Variants in TRIO observed in about 807,000 individuals in gnomAD.
TRIO encodes trio Rho guanine nucleotide exchange factor, also known as triple functional domain protein.
TRIO carries 58 observed loss-of-function variants against 351.9 expected under a neutral mutation model. That is an observed-to-expected ratio of 0.16 (90% confidence interval 0.13 to 0.21). TRIO has a LOEUF of 0.21. Among genes scored for constraint, TRIO ranks in the 10% least tolerant of loss-of-function variants. The probability of loss-of-function intolerance (pLI) is 1.00; values close to 1 mark genes in which losing one functional copy is unlikely to be tolerated. For missense variants in TRIO, 3,201 were observed against 4,027.8 expected (o/e 0.79, Z 5.56); for synonymous variants, 1,758 against 1,595.7 (o/e 1.10, Z -2.42).
chr5:14,254,864 C>A (rs747953298), intron 1 of TRIO, among the ~76,000 whole-genome samples: 1 of 152,138 alleles, frequency 6.6e-6, no homozygotes. Context: ...GGCAGGTCTC[C>A]CCAGCAGTTC....
chr5:14,308,670 CAT>C (rs1738610760), intron 8 of TRIO, among the ~76,000 whole-genome samples: 2 of 117,094 alleles, frequency 1.7e-5, no homozygotes, highest in African/African-American at 5.4e-5. Context: ...TCCATCCATC[CAT>C]CCATCCATCC....
intron 24 of TRIO, 85 bp from the exon 25 acceptor site, chr5:14,389,204 C>T (rs964678675): frequency 1.0e-6 from 1 of 995,144 alleles, no homozygotes; most frequent in Admixed American, 2.9e-5. Context: ...TACATTAACT[C>T]TGTGTGTTTA....
intron 1 of TRIO, among the ~76,000 whole-genome samples, chr5:14,242,670 G>A (rs902858082): frequency 6.6e-6 from 1 of 152,156 alleles, no homozygotes; most frequent in Non-Finnish European, 1.5e-5. Flanking sequence ...CGCCTGCTGT[G>A]CTCAAGCAGT....
At chr5:14,404,660 CCCTGCCTCCTT>C (rs932110097) in intron 31 of TRIO, among the ~76,000 whole-genome samples, 5 of 152,150 alleles carry the variant, frequency 3.3e-5, no homozygotes, top group Non-Finnish European at 7.4e-5. Context: ...TCCCCGGTCA[CCCTGCCTCCTT>C]CCTGCCCCCT....
chr5:14,180,878 C>G (rs1789727238), intron 1 of TRIO, among the ~76,000 whole-genome samples: 1 of 151,660 alleles, frequency 6.6e-6, no homozygotes, highest in Non-Finnish European at 1.5e-5. Context: ...GGTAGGTAGG[C>G]AGTTTTAATT....
intron 40 of TRIO, among the ~76,000 whole-genome samples, chr5:14,475,901 A>C (rs962722471): frequency 6.6e-6 from 1 of 152,242 alleles, no homozygotes; most frequent in African/African-American, 2.4e-5. Flanking sequence ...GTAATACCAA[A>C]TATTAACATA....
chr5:14,502,746 A>G (rs1176311659), intron 54 of TRIO, 89 bp downstream of exon 54: 6 of 1,281,732 alleles, frequency 4.7e-6, no homozygotes, highest in Non-Finnish European at 6.7e-6. Flanking sequence ...AAGCAGTGTT[A>G]TCTTGCCAGC....
chr5:14,215,313 TGTA>T lies in TRIO; in HGVS notation c.158-55509_158-55507del. 2.0e-5 allele frequency among the ~76,000 whole-genome samples: 3 copies of T among 152,364 alleles called. No individual in the cohort carries two copies. The South Asian group carries it at 6.2e-4, about 32-fold the overall frequency. On this transcript the variant is annotated intron_variant, in intron 1 of 56. Transcript: ENST00000344204. ...TACATTTCTTTCACAAACGTTCTTT[TGTA>T]GTGACTTTGTTATTCGTGTCTGCCA...
chr5:14,376,127 G>C (rs555898357), intron 19 of TRIO, among the ~76,000 whole-genome samples: 3 of 152,266 alleles, frequency 2.0e-5, no homozygotes, highest in African/African-American at 7.2e-5. Flanking sequence ...TGTTAGGCTG[G>C]ATGTAAATGC....
At chr5:14,392,381 C>G (rs1432151552) in intron 27 of TRIO, among the ~76,000 whole-genome samples, 1 of 152,176 alleles carries the variant, frequency 6.6e-6, no homozygotes, top group East Asian at 1.9e-4. Context: ...CAATGAGATA[C>G]TATCTCACAC....
Position 14,482,781 on chromosome 5 carries a change from G to C in TRIO, c.6657+8G>C. 1 of 1,540,420 alleles carries C rather than the reference G, an allele frequency of 6.5e-7. No homozygotes were observed. ...TTTAAGAACAGTATCAAGGTAACGT[G>C]TGTCTCTGTGTGATTTCTCTGTGCC... On this transcript the variant is annotated splice_region_variant and intron_variant, in intron 46 of 56. Transcript: ENST00000344204.
At chr5:14,165,838 C>T (rs565417680) in intron 1 of TRIO, among the ~76,000 whole-genome samples, 9 of 152,324 alleles carry the variant, frequency 5.9e-5, no homozygotes, top group Admixed American at 2.6e-4. Context: ...TCTGGGTTTC[C>T]CAGCCTCCAG....
In TRIO at chr5:14,265,557, G is replaced by A. The variant is rs984376883; in HGVS notation, c.158-5268G>A. On this transcript the variant is annotated intron_variant, in intron 1 of 56. Transcript: ENST00000344204. Reference sequence around the variant, plus strand: ...TGCTCATTGTGAAAATATTTCTAGGGTGCTTTTTATTATAAATAAATCGGA... The same window carrying A: ...TGCTCATTGTGAAAATATTTCTAGGATGCTTTTTATTATAAATAAATCGGA... 2.6e-5 allele frequency among the ~76,000 whole-genome samples: 4 copies of A among 152,026 alleles called. No individual in the cohort carries two copies. In the East Asian group the frequency reaches 5.8e-4, roughly 22 times the overall value.
chr5:14,160,338 C>G (rs7724830), intron 1 of TRIO, among the ~76,000 whole-genome samples: 15,647 of 152,180 alleles, frequency 0.1, 855 homozygotes, highest in Middle Eastern at 0.18. Context: ...TCTTTGTTTC[C>G]CAGTTTCAAA....
chr5:14,358,475 T>C, intron 12 of TRIO, 128 bp downstream of exon 12: 1 of 1,067,634 alleles, frequency 9.4e-7, no homozygotes, highest in Non-Finnish European at 1.3e-6. Flanking sequence ...TAGTAGTGTC[T>C]GTGAAGGCAA....
intron 10 of TRIO, 137 bp downstream of exon 10, chr5:14,331,037 T>A: frequency 1.5e-6 from 2 of 1,291,130 alleles, no homozygotes; most frequent in Non-Finnish European, 2.1e-6. Context: ...AGGCTCCGAT[T>A]TCAGAGTGAA....
chr5:14,155,937 C>T (rs377749754), intron 1 of TRIO, among the ~76,000 whole-genome samples: 18 of 152,214 alleles, frequency 1.2e-4, no homozygotes, highest in Admixed American at 3.9e-4. Flanking sequence ...ATGATGGTTG[C>T]GAAATGTTGA....
Position 14,339,281 on chromosome 5 carries a change from A to G in TRIO, c.2046+2554A>G, listed in dbSNP as rs145323369. 3.0e-4 allele frequency among the ~76,000 whole-genome samples: 45 copies of G among 152,316 alleles called. 1 individual carries two copies. In the East Asian group the frequency reaches 8.1e-3, roughly 27 times the overall value. ...TTGTCCAGAGGCTTCGTTTGGGCTC[A>G]TTGGCTTTTGTAACAGCAGTGTTTT... On this transcript the variant is annotated intron_variant, in intron 11 of 56. Transcript: ENST00000344204.
chr5:14,288,690 C>G (rs1245732674), intron 4 of TRIO, among the ~76,000 whole-genome samples: 1 of 150,974 alleles, frequency 6.6e-6, no homozygotes, highest in African/African-American at 2.4e-5. Flanking sequence ...GTCCAGCAAA[C>G]GAGAGAGGAA....
Sources: gnomAD v4.1 joint callset for allele counts (sites outside exome capture counted in the v4.1 genomes callset) on GRCh38, gnomAD v4.1.1 for gene constraint, MANE v1.5 for transcripts, NCBI Gene and HGNC (gene_info 2026-07-23, HGNC 2026-07-21) for gene names.